The following ADGRV1 variants were observed in gnomAD, a reference collection of about 807,000 sequenced individuals.
The protein encoded by ADGRV1 is adhesion G protein-coupled receptor V1, also known as G-protein coupled receptor 98.
In ADGRV1, 359 loss-of-function variants were observed where a neutral mutation model predicts 596.2. The observed-to-expected ratio is 0.60, with a 90% confidence interval of 0.55 to 0.66. The LOEUF (loss-of-function observed/expected upper bound fraction) is 0.66, where lower values mean the gene tolerates loss of function less well. Ranked by LOEUF, ADGRV1 falls within the 30% of genes least tolerant of loss-of-function variation. The probability of loss-of-function intolerance (pLI) is 0.00; values close to 1 mark genes in which losing one functional copy is unlikely to be tolerated. For missense variants in ADGRV1, 7,274 were observed against 7,575.6 expected (o/e 0.96, Z 1.48); for synonymous variants, 2,681 against 2,679.2 (o/e 1.00, Z -0.02).
intron 87 of ADGRV1, among the ~76,000 whole-genome samples, chr5:91,114,154 G>A (rs924861221): frequency 6.6e-6 from 1 of 152,140 alleles, no homozygotes; most frequent in African/African-American, 2.4e-5. Context: ...GGGAGGCAGA[G>A]GTTGCAGTGA....
intron 87 of ADGRV1, among the ~76,000 whole-genome samples, chr5:91,107,289 G>A (rs559269849): frequency 9.2e-5 from 14 of 152,244 alleles, no homozygotes; most frequent in Non-Finnish European, 1.2e-4. Flanking sequence ...TTGTTTTCTC[G>A]TGACAAGAAC....
At chr5:90,743,189 G>A (rs1476119260) in intron 50 of ADGRV1, among the ~76,000 whole-genome samples, 2 of 152,080 alleles carry the variant, frequency 1.3e-5, no homozygotes, top group African/African-American at 4.8e-5. Flanking sequence ...TTTTTACTCA[G>A]TGTCTCCAGT....
At chr5:90,637,280 T>C (rs554844964) in intron 10 of ADGRV1, among the ~76,000 whole-genome samples, 405 of 152,292 alleles carry the variant, frequency 2.7e-3, no homozygotes, top group African/African-American at 9.2e-3. Flanking sequence ...TCACTTAGGA[T>C]GTATTTTATA....
intron 85 of ADGRV1, 147 bp from the exon 86 acceptor site, chr5:91,072,300 C>T (rs1788458567): frequency 1.4e-6 from 1 of 691,384 alleles, no homozygotes; most frequent in Non-Finnish European, 2.6e-6. Flanking sequence ...TGTACTCAAA[C>T]AAAACTTCAG....
At chr5:90,760,225 G>C (rs535845655) in intron 58 of ADGRV1, among the ~76,000 whole-genome samples, 1 of 147,556 alleles carries the variant, frequency 6.8e-6, no homozygotes, top group Non-Finnish European at 1.5e-5. Context: ...GCAGTGAGCC[G>C]AGATCACGCC....
chr5:91,126,176 C>T (rs1459577076), intron 87 of ADGRV1, among the ~76,000 whole-genome samples: 1 of 152,212 alleles, frequency 6.6e-6, no homozygotes, highest in Non-Finnish European at 1.5e-5. Context: ...ACAGAGCTGG[C>T]ACAGAGTTCC....
At position 90,815,599 on chromosome 5, in the gene ADGRV1, C is replaced by A; in HGVS notation, c.16079-20C>A. On this transcript the variant is annotated intron_variant, in intron 74 of 89. Transcript: ENST00000405460. Reference sequence around the variant, plus strand: ...TAAATAATTCTTGAATATATTATAGCCCTCCATTCTTTTTTTCAGGGAGTG... The same window carrying A: ...TAAATAATTCTTGAATATATTATAGACCTCCATTCTTTTTTTCAGGGAGTG... 2.4e-6 allele frequency: 3 copies of A among 1,259,566 alleles called. No homozygotes were observed. The highest frequency in any genetic ancestry group is 3.4e-6 in the Non-Finnish European group (3 of 879,972). The allele number at this position is 1,259,566 out of a possible 1,614,324, so 78.0% of individuals were successfully genotyped here.
Position 90,725,532 on chromosome 5 carries a change from C to A in ADGRV1, c.10054-17C>A. 7.8e-7 allele frequency: 1 copy of A among 1,289,144 alleles called. No individual in the cohort carries two copies. The highest frequency in any genetic ancestry group is 1.2e-5 in the South Asian group (1 of 82,864). 79.9% of individuals were successfully genotyped at this position (1,289,144 alleles called of 1,614,324 possible). A position where few individuals can be genotyped will look rare whatever the true frequency, so the allele number is the denominator to read the frequency against. On this transcript the variant is annotated splice_polypyrimidine_tract_variant and intron_variant, in intron 47 of 89. Coordinates refer to ENST00000405460, the MANE Select transcript of ADGRV1 (RefSeq NM_032119.4). ...TCAACTCTCCTTTAAGTTTTCATTC[C>A]CACTCTGTCCTTGCAGGTACAAACA...
intron 59 of ADGRV1, among the ~76,000 whole-genome samples, chr5:90,765,932 C>T (rs1757071331): frequency 6.6e-6 from 1 of 150,568 alleles, no homozygotes; most frequent in African/African-American, 2.4e-5. Context: ...TTTTTTGAGA[C>T]AGAGTCTTGC....
chr5:90,917,873 C>T (rs1773524826), intron 83 of ADGRV1, among the ~76,000 whole-genome samples: 2 of 152,210 alleles, frequency 1.3e-5, no homozygotes, highest in South Asian at 4.2e-4. Context: ...ATCATCATCA[C>T]CACTATCATT....
chr5:90,981,814 AGT>A (rs1265667447), intron 84 of ADGRV1, among the ~76,000 whole-genome samples: 1 of 152,268 alleles, frequency 6.6e-6, no homozygotes, highest in Non-Finnish European at 1.5e-5. Context: ...GCTGTACAGA[AGT>A]GCACAGGGAG....
At chr5:90,752,708 G>A (rs186313986) in intron 53 of ADGRV1, among the ~76,000 whole-genome samples, 1 of 152,248 alleles carries the variant, frequency 6.6e-6, no homozygotes, top group East Asian at 1.9e-4. Context: ...GGTATATACT[G>A]AAAGTTATAT....
At chr5:90,963,795 T>C (rs1372630387) in intron 83 of ADGRV1, among the ~76,000 whole-genome samples, 2 of 151,044 alleles carry the variant, frequency 1.3e-5, no homozygotes, top group Non-Finnish European at 2.9e-5. Flanking sequence ...AATCTATACT[T>C]GATCAGGCAG....
At chr5:90,704,021 A>G (rs376088164) in intron 35 of ADGRV1, among the ~76,000 whole-genome samples, 41 of 152,256 alleles carry the variant, frequency 2.7e-4, no homozygotes, top group African/African-American at 9.4e-4. Context: ...AGTACATTGG[A>G]CTTTTAATGA....
intron 86 of ADGRV1, among the ~76,000 whole-genome samples, chr5:91,073,959 A>G (rs13173863): frequency 0.016 from 2,401 of 152,262 alleles, 29 homozygotes; most frequent in Middle Eastern, 0.034. Context: ...CAGCCTCCCA[A>G]AGTGCTAGGA....
chr5:90,678,881 G>T (rs981631059), intron 25 of ADGRV1, among the ~76,000 whole-genome samples: 1 of 151,976 alleles, frequency 6.6e-6, no homozygotes, highest in Non-Finnish European at 1.5e-5. Context: ...TCAACCCATA[G>T]CAACAACATT....
rs539409127 is a variant in ADGRV1, at chr5:90,977,889, C to G, written c.17974-7455C>G. ...ATTACTAATTCTGAAAAGTATACTT[C>G]TCCCATCCTCCGTTTCCTCCGGTGT... On this transcript the variant is annotated intron_variant, in intron 84 of 89. Transcript: ENST00000405460. Among the ~76,000 whole-genome samples, 60 of 152,294 alleles carry G rather than the reference C, an allele frequency of 3.9e-4. 1 individual carries two copies. The South Asian group carries it at 0.012, about 30-fold the overall frequency.
chr5:90,961,818 A>C (rs192894253), intron 83 of ADGRV1, among the ~76,000 whole-genome samples: 2 of 152,168 alleles, frequency 1.3e-5, no homozygotes, highest in African/African-American at 4.8e-5. Context: ...TTTTGGGGGA[A>C]CTATATTTAT....
At chr5:91,041,073 G>T (rs1467899557) in intron 85 of ADGRV1, among the ~76,000 whole-genome samples, 1 of 152,200 alleles carries the variant, frequency 6.6e-6, no homozygotes, top group East Asian at 1.9e-4. Flanking sequence ...GTGGAAGACA[G>T]TGTGGCAATT....
Sources: gnomAD v4.1 joint callset for allele counts (sites outside exome capture counted in the v4.1 genomes callset) on GRCh38, gnomAD v4.1.1 for gene constraint, MANE v1.5 for transcripts, NCBI Gene and HGNC (gene_info 2026-07-23, HGNC 2026-07-21) for gene names.